The following EPHB1 variants were observed in gnomAD, a reference collection of about 807,000 sequenced individuals.
EPHB1 encodes the protein EPH receptor B1, also known as ephrin type-B receptor 1.
A neutral mutation model predicts 94.4 loss-of-function variants in EPHB1; 30 were observed. The observed-to-expected ratio is 0.32, with a 90% CI of 0.24 to 0.43. The LOEUF (loss-of-function observed/expected upper bound fraction) is 0.43. EPHB1 is among the 20% of genes least tolerant of loss of function. The probability of loss-of-function intolerance (pLI) is 1.00; values close to 1 mark genes in which losing one functional copy is unlikely to be tolerated. For synonymous variants in EPHB1, 522 were observed against 489.1 expected, an observed-to-expected ratio of 1.07 and a Z score of -0.89; for missense variants, 1,055 against 1,308.3, an observed-to-expected ratio of 0.81 and a Z score of 2.99.
At chr3:134,821,689 T>C (rs1198354895) in intron 1 of EPHB1, among the ~76,000 whole-genome samples, 7 of 152,226 alleles carry the variant, frequency 4.6e-5, no homozygotes, top group Non-Finnish European at 8.8e-5. Flanking sequence ...GGCAGAAGCC[T>C]GGCTCTGATG....
intron 5 of EPHB1, among the ~76,000 whole-genome samples, chr3:135,150,597 C>T (rs1478213279): frequency 4.6e-5 from 7 of 152,270 alleles, no homozygotes; most frequent in Non-Finnish European, 1.5e-5. Context: ...CCTGGGAGCA[C>T]CTTATTTCCA....
intron 3 of EPHB1, among the ~76,000 whole-genome samples, chr3:135,039,875 G>T (rs1047673733): frequency 3.3e-5 from 5 of 152,146 alleles, no homozygotes; most frequent in African/African-American, 1.2e-4. Context: ...ACAGTGCAGT[G>T]GGGGGGCTGA....
At chr3:135,238,895 C>T (rs555722521) in intron 12 of EPHB1, among the ~76,000 whole-genome samples, 1 of 152,208 alleles carries the variant, frequency 6.6e-6, no homozygotes, top group African/African-American at 2.4e-5. Context: ...AATGGCAACA[C>T]ACAACTTGGG....
intron 1 of EPHB1, among the ~76,000 whole-genome samples, chr3:134,859,615 C>T (rs1295882107): frequency 1.3e-5 from 2 of 152,180 alleles, no homozygotes; most frequent in East Asian, 3.9e-4. Context: ...TAGCATCTTC[C>T]CTCTGAGCTT....
intron 12 of EPHB1, among the ~76,000 whole-genome samples, chr3:135,210,611 T>C (rs1429291068): frequency 6.6e-6 from 1 of 152,200 alleles, no homozygotes; most frequent in East Asian, 1.9e-4. Context: ...GAATTTGCCA[T>C]AAACCCAACC....
At chr3:135,113,888 G>A (rs1023470308) in intron 4 of EPHB1, among the ~76,000 whole-genome samples, 1 of 152,076 alleles carries the variant, frequency 6.6e-6, no homozygotes, top group Non-Finnish European at 1.5e-5. Context: ...CACATTTATC[G>A]ATAAGGCTCT....
In EPHB1 at chr3:135,241,072, C is replaced by T. The variant is rs544389844; in HGVS notation, c.2347-76C>T. 656 of 1,561,758 alleles carry T rather than the reference C, an allele frequency of 4.2e-4. 1 individual carries two copies. The highest frequency in any genetic ancestry group is 5.4e-4 in the Non-Finnish European group (615 of 1,135,004). ...GGGAGTGAGAGTTTGGAAGAATGTG[C>T]ATGCCAAGTTTTTTATTGCCTGCCT... On this transcript the variant is annotated intron_variant, in intron 12 of 15. Transcript: ENST00000398015.
intron 1 of EPHB1, among the ~76,000 whole-genome samples, chr3:134,864,818 C>A (rs1487714129): frequency 3.9e-5 from 6 of 152,218 alleles, no homozygotes; most frequent in African/African-American, 1.4e-4. Flanking sequence ...TTCCTGCCAG[C>A]CCAGGCTGAC....
chr3:134,820,450 C>T (rs1289387744), intron 1 of EPHB1, among the ~76,000 whole-genome samples: 3 of 152,280 alleles, frequency 2.0e-5, no homozygotes, highest in Non-Finnish European at 2.9e-5. Flanking sequence ...ACAGAATGCC[C>T]CCTTGGACCA....
At chr3:134,820,677 G>T (rs1055613836) in intron 1 of EPHB1, among the ~76,000 whole-genome samples, 2 of 152,058 alleles carry the variant, frequency 1.3e-5, no homozygotes, top group Admixed American at 6.5e-5. Context: ...ATCTGTGTTT[G>T]CCTGGGTTAC....
intron 2 of EPHB1, among the ~76,000 whole-genome samples, chr3:134,938,726 G>T (rs1021047981): frequency 6.6e-6 from 1 of 152,210 alleles, no homozygotes; most frequent in Non-Finnish European, 1.5e-5. Context: ...CTCACAAGGG[G>T]CTCTTACTGG....
intron 3 of EPHB1, among the ~76,000 whole-genome samples, chr3:135,080,509 C>T (rs928448744): frequency 6.6e-6 from 1 of 151,820 alleles, no homozygotes; most frequent in Non-Finnish European, 1.5e-5. Context: ...GGGGGTGGGG[C>T]AAAGGTAGCA....
rs148951642 is a variant in EPHB1, at chr3:134,828,908, C to T, written c.58+33219C>T. Among the ~76,000 whole-genome samples, 349 of 152,216 alleles carry T rather than the reference C, an allele frequency of 2.3e-3. 2 individuals are homozygous for T. Among genetic ancestry groups the T allele is most frequent in the African/African-American group, 7.8e-3 (322 of 41,542 alleles). The stretch of plus-strand genomic sequence containing the variant: ...GTATCTGCAGGGTCCCGTCCCTGGA[C>T]GTGATAAAGGAGGAGGTCTGAGTGG... On this transcript the variant is annotated intron_variant, in intron 1 of 15. Transcript: ENST00000398015.
At chr3:134,995,022 A>T (rs554066971) in intron 3 of EPHB1, among the ~76,000 whole-genome samples, 3 of 133,966 alleles carry the variant, frequency 2.2e-5, no homozygotes, top group Admixed American at 2.2e-4. Context: ...GTGTATTTAG[A>T]TCTGTTCAGT....
intron 1 of EPHB1, among the ~76,000 whole-genome samples, chr3:134,835,948 AC>A (rs2036668160): frequency 6.6e-6 from 1 of 152,232 alleles, no homozygotes; most frequent in Admixed American, 6.5e-5. Context: ...CATAGAAATG[AC>A]TGGCACACTA....
At chr3:134,962,259 G>A (rs558933397) in intron 3 of EPHB1, among the ~76,000 whole-genome samples, 1 of 152,324 alleles carries the variant, frequency 6.6e-6, no homozygotes, top group East Asian at 1.9e-4. Flanking sequence ...TTCAGGAACT[G>A]AGACTCAAGC....
chr3:134,902,057 A>G (rs1249917067), intron 1 of EPHB1, among the ~76,000 whole-genome samples: 1 of 152,236 alleles, frequency 6.6e-6, no homozygotes, highest in African/African-American at 2.4e-5. Flanking sequence ...AAGCTTTTGC[A>G]TAAGGGACAG....
rs148200050 is a variant in EPHB1, at chr3:134,797,360, C to G, written c.58+1671C>G. ...TGGAAATTCAAGGGGATATATACCC[C>G]CAAACCGGGCAGGAAAGCCAGGGTG... On this transcript the variant is annotated intron_variant, in intron 1 of 15. Coordinates refer to ENST00000398015, the MANE Select transcript of EPHB1 (RefSeq NM_004441.5). Among the ~76,000 whole-genome samples the G allele has an allele frequency of 1.2e-3, 179 of 152,250 alleles. 1 individual carries two copies. Among genetic ancestry groups the G allele is most frequent in the African/African-American group, 4.1e-3 (170 of 41,546 alleles).
At chr3:135,209,137 C>G (rs1023050093) in intron 12 of EPHB1, among the ~76,000 whole-genome samples, 2 of 152,074 alleles carry the variant, frequency 1.3e-5, no homozygotes, top group South Asian at 2.1e-4. Flanking sequence ...TATAAATGAA[C>G]AAATAGAAAC....
Sources: allele counts gnomAD v4.1 joint callset (sites outside exome capture counted in the v4.1 genomes callset), GRCh38; gene constraint gnomAD v4.1.1; transcripts MANE v1.5; gene names NCBI Gene and HGNC (gene_info 2026-07-23, HGNC 2026-07-21).